Variants in DPY19L1 observed in about 807,000 individuals in gnomAD.
DPY19L1 encodes the protein protein C-mannosyl-transferase DPY19L1.
In DPY19L1, 35 loss-of-function variants were observed where a neutral mutation model predicts 96.9. The observed-to-expected ratio is 0.36, with a 90% CI of 0.28 to 0.48. The LOEUF (loss-of-function observed/expected upper bound fraction) is 0.48, where lower values mean the gene tolerates loss of function less well. Among genes scored for constraint, DPY19L1 ranks in the 20% least tolerant of loss-of-function variants. The pLI is 0.99. For missense variants in DPY19L1, 521 were observed against 777.9 expected (o/e 0.67, Z 3.93); for synonymous variants, 205 against 252.6 (o/e 0.81, Z 1.79).
intron 1 of DPY19L1, among the ~76,000 whole-genome samples, chr7:35,028,621 C>T (rs1786184818): frequency 6.6e-6 from 1 of 152,054 alleles, no homozygotes; most frequent in Non-Finnish European, 1.5e-5. Flanking sequence ...TTAGATCTTG[C>T]AAAAGAAAGA....
rs1202855394 is a variant in DPY19L1 at position 35,012,785 on chromosome 7, T to C, written c.549+783A>G. 2.6e-5 allele frequency among the ~76,000 whole-genome samples: 4 copies of C among 151,960 alleles called. No homozygotes were observed. The South Asian group carries it at 6.2e-4, about 24-fold the overall frequency. On this transcript the variant is annotated intron_variant, in intron 4 of 21. Coordinates refer to ENST00000638088, the MANE Select transcript of DPY19L1 (RefSeq NM_001366673.1). ...CTAAAGGGCAAACAACTGGGGAAAA[T>C]GTTTCATTATATAGCATTATATTAA... is the stretch of plus-strand genomic sequence containing the variant.
chr7:34,933,473 G>A (rs551951790), intron 21 of DPY19L1, among the ~76,000 whole-genome samples: 3 of 152,128 alleles, frequency 2.0e-5, no homozygotes, highest in Non-Finnish European at 4.4e-5. Flanking sequence ...GGTCAGTATT[G>A]AGTGTCAACT....
intron 10 of DPY19L1, among the ~76,000 whole-genome samples, chr7:34,963,431 A>C (rs1403807518): frequency 1.3e-5 from 2 of 152,146 alleles, no homozygotes; most frequent in Non-Finnish European, 2.9e-5. Flanking sequence ...CAGTTCCTTA[A>C]AAAATAGATT....
chr7:35,012,917 A>ATGTG (rs1196751293), intron 4 of DPY19L1, among the ~76,000 whole-genome samples: 1 of 150,910 alleles, frequency 6.6e-6, no homozygotes, highest in African/African-American at 2.4e-5. Flanking sequence ...GTATATATGT[A>ATGTG]TGTGTGTTAT....
In DPY19L1 at chr7:35,017,501, CAAA is replaced by C. The variant is rs1161959357; in HGVS notation, c.411+378_411+380del. Among the ~76,000 whole-genome samples the C allele has an allele frequency of 8.0e-4, 11 of 13,678 alleles. 1 individual carries two copies. Among genetic ancestry groups the C allele is most frequent in the East Asian group, 1.5e-3 (1 of 672 alleles). 9.0% of individuals were successfully genotyped at this position (13,678 alleles called of 152,430 possible). A position where few individuals can be genotyped will look rare whatever the true frequency, so the allele number is the denominator to read the frequency against. ...TGGGCGACAGAGCGAGACTCCGTCTCAAAAAAAAAAAAAAAAAAAAATTAGCCG... is the reference window on the plus strand; with the variant it reads ...TGGGCGACAGAGCGAGACTCCGTCTCAAAAAAAAAAAAAAAAAATTAGCCG... On this transcript the variant is annotated intron_variant, in intron 3 of 21. Transcript: ENST00000638088.
At chr7:34,991,409 T>A (rs1465139158) in intron 6 of DPY19L1, among the ~76,000 whole-genome samples, 1 of 152,052 alleles carries the variant, frequency 6.6e-6, no homozygotes, top group Admixed American at 6.6e-5. Context: ...GTGTCTGAAG[T>A]GATGGATCAC....
chr7:34,970,523 G>A (rs560828542), intron 8 of DPY19L1, among the ~76,000 whole-genome samples: 36 of 152,234 alleles, frequency 2.4e-4, no homozygotes, highest in African/African-American at 8.2e-4. Context: ...TGTTTCAGCT[G>A]TGTGCATACA....
At chr7:34,942,436 T>A (rs1357213176) in intron 17 of DPY19L1, among the ~76,000 whole-genome samples, 179 bp downstream of exon 17, 1 of 152,246 alleles carries the variant, frequency 6.6e-6, no homozygotes, top group Non-Finnish European at 1.5e-5. Flanking sequence ...TCCTAGTTAA[T>A]TTTAACAAAT....
intron 10 of DPY19L1, among the ~76,000 whole-genome samples, chr7:34,965,056 C>T (rs1405222920): frequency 2.0e-5 from 3 of 152,030 alleles, no homozygotes; most frequent in Non-Finnish European, 4.4e-5. Context: ...TGGAAGTAGT[C>T]CAATCATTTT....
At chr7:34,968,039 C>T (rs183153183) in intron 9 of DPY19L1, among the ~76,000 whole-genome samples, 5 of 152,158 alleles carry the variant, frequency 3.3e-5, no homozygotes, top group African/African-American at 1.2e-4. Context: ...AATGAGAATG[C>T]TCCCTTTTCA....
intron 3 of DPY19L1, among the ~76,000 whole-genome samples, chr7:35,017,544 C>T (rs1432307969): frequency 7.1e-6 from 1 of 140,766 alleles, no homozygotes; most frequent in Non-Finnish European, 1.5e-5. Context: ...TGGTGGCAGG[C>T]ACCTGTAGTC....
chr7:34,936,167 A>G (rs1212476908), intron 21 of DPY19L1, among the ~76,000 whole-genome samples: 1 of 152,238 alleles, frequency 6.6e-6, no homozygotes, highest in African/African-American at 2.4e-5. Flanking sequence ...AGTCAGTTCA[A>G]TGTCTGCTGA....
At chr7:34,991,944 G>A (rs1388642193) in intron 6 of DPY19L1, among the ~76,000 whole-genome samples, 2 of 152,082 alleles carry the variant, frequency 1.3e-5, no homozygotes, top group Non-Finnish European at 2.9e-5. Context: ...ATATTACCGG[G>A]CATATAAATA....
intron 6 of DPY19L1, among the ~76,000 whole-genome samples, chr7:35,008,017 A>G (rs1405763287): frequency 2.0e-5 from 3 of 152,076 alleles, no homozygotes; most frequent in African/African-American, 4.8e-5. Flanking sequence ...CATGCATCCC[A>G]GCAAAACTGA....
At chr7:35,036,806 G>A (rs1177556804) in intron 1 of DPY19L1, among the ~76,000 whole-genome samples, 1 of 151,998 alleles carries the variant, frequency 6.6e-6, no homozygotes, top group Non-Finnish European at 1.5e-5. Flanking sequence ...CAGACCTGCT[G>A]CCCGCGGCCA....
upstream of DPY19L1, chr7:35,037,942 C>A (rs1273719044): frequency 7.4e-6 from 9 of 1,218,554 alleles, no homozygotes; most frequent in Non-Finnish European, 9.3e-6. Context: ...GGGATCGGGG[C>A]GCTGATTCAA....
intron 1 of DPY19L1, among the ~76,000 whole-genome samples, chr7:35,025,472 G>A (rs1786098410): frequency 6.6e-6 from 1 of 152,018 alleles, no homozygotes; most frequent in South Asian, 2.1e-4. Context: ...ATGACCTTAG[G>A]GCACGGTTTA....
intron 7 of DPY19L1, among the ~76,000 whole-genome samples, chr7:34,985,307 A>C (rs1440332288): frequency 2.0e-5 from 3 of 152,180 alleles, no homozygotes; most frequent in Admixed American, 6.5e-5. Flanking sequence ...ACAGACAAGG[A>C]AAGCAAAAAT....
rs773901270 is a variant in DPY19L1, at chr7:34,938,049, T to C, written c.2035A>G (p.Lys679Glu). 14 of 1,613,962 alleles carry C rather than the reference T, an allele frequency of 8.7e-6. No individual in the cohort carries two copies. Among genetic ancestry groups the C allele is most frequent in the Non-Finnish European group, 1.2e-5 (14 of 1,179,944 alleles). ...AGAATGTAATAGTTCACTTTTAACTTTATCAGTTCTCGCTTCACTTCTTCG... is the reference window on the plus strand; with the variant it reads ...AGAATGTAATAGTTCACTTTTAACTCTATCAGTTCTCGCTTCACTTCTTCG... The part of the protein sequence containing the change: ...AAEEVKRELI[K>E]LKVNYYILEE... The change falls in exon 21 of 22, where the codon AAG becomes GAG. Residue 679 changes from lysine (K) to glutamate (E), a missense_variant. By Grantham distance (56) the Lys-to-Glu change is moderately conservative (BLOSUM62 1). Coordinates refer to ENST00000638088, the MANE Select transcript of DPY19L1 (RefSeq NM_001366673.1).
Sources: gnomAD v4.1 joint callset for allele counts (sites outside exome capture counted in the v4.1 genomes callset) on GRCh38, gnomAD v4.1.1 for gene constraint, MANE v1.5 for transcripts, NCBI Gene and HGNC (gene_info 2026-07-23, HGNC 2026-07-21) for gene names.